Variants in RTTN observed in about 807,000 individuals in gnomAD.
The protein encoded by RTTN is rotatin.
In RTTN, 182 loss-of-function variants were observed where a neutral mutation model predicts 269.2. The observed-to-expected ratio is 0.68, with a 90% confidence interval of 0.60 to 0.76. The LOEUF (loss-of-function observed/expected upper bound fraction) is 0.76, where lower values mean the gene tolerates loss of function less well. Among genes scored for constraint, RTTN ranks in the 30% least tolerant of loss-of-function variants. RTTN has a pLI of 0.00. For synonymous variants in RTTN, 1,006 were observed against 963.5 expected (o/e 1.04, Z -0.82); for missense variants, 2,545 against 2,608.6 (o/e 0.98, Z 0.53).
At chr18:70,039,135 G>A (rs2057264033) in intron 40 of RTTN, among the ~76,000 whole-genome samples, 1 of 152,036 alleles carries the variant, frequency 6.6e-6, no homozygotes, top group African/African-American at 2.4e-5. Context: ...AGAGATAGTG[G>A]TAGAAAGTTT....
At chr18:70,057,630 T>C (rs2144871645) in intron 37 of RTTN, 112 bp downstream of exon 37, 1 of 718,220 alleles carries the variant, frequency 1.4e-6, no homozygotes, top group Non-Finnish European at 2.4e-6. Context: ...CATCATACCA[T>C]GTATATTTTG....
chr18:70,198,077 T>C lies in RTTN; in HGVS notation c.579-339A>G, dbSNP rs17082209. ...TTCAATGAGGTCAAAGAGCACACAA[T>C]TCTAGGAAATCTGCCAAATAAATTA... On this transcript the variant is annotated intron_variant, in intron 5 of 48. Coordinates refer to ENST00000640769, the MANE Select transcript of RTTN (RefSeq NM_173630.4). Among the ~76,000 whole-genome samples, 3,463 of 152,260 alleles carry C rather than the reference T, an allele frequency of 0.023. 131 individuals are homozygous for C. Among genetic ancestry groups the C allele is most frequent in the African/African-American group, 0.078 (3,257 of 41,518 alleles).
rs1035057936 is a variant in RTTN, at chr18:70,041,478, T to C, written c.5541+6493A>G. Among the ~76,000 whole-genome samples, 11 of 151,806 alleles carry C rather than the reference T, an allele frequency of 7.2e-5. No homozygotes were observed. The South Asian group carries it at 1.0e-3, about 14-fold the overall frequency. On this transcript the variant is annotated intron_variant, in intron 40 of 48. Coordinates refer to ENST00000640769, the MANE Select transcript of RTTN (RefSeq NM_173630.4). ...GGAAACTTGAATTCTAAGTGGTGAG[T>C]GGGGAAAGCTGAAAACTACCCCAAT...
chr18:70,026,896 A>G (rs2056869379), intron 43 of RTTN, among the ~76,000 whole-genome samples: 1 of 152,128 alleles, frequency 6.6e-6, no homozygotes, highest in Non-Finnish European at 1.5e-5. Flanking sequence ...GCCATTTTTC[A>G]CCTGGATGCC....
At chr18:70,169,788 A>G (rs1022784656) in intron 11 of RTTN, among the ~76,000 whole-genome samples, 1 of 152,306 alleles carries the variant, frequency 6.6e-6, no homozygotes, top group East Asian at 1.9e-4. Context: ...GATTCTAAAT[A>G]TCAATTAAAG....
chr18:70,194,569 A>C (rs2061757058), intron 7 of RTTN: 1 of 152,270 alleles, frequency 6.6e-6, no homozygotes, highest in South Asian at 2.1e-4. Context: ...TCCATCGACA[A>C]ATGCATAGAT....
At chr18:70,014,920 T>C (rs2056494838) in intron 46 of RTTN, among the ~76,000 whole-genome samples, 1 of 152,192 alleles carries the variant, frequency 6.6e-6, no homozygotes, top group Non-Finnish European at 1.5e-5. Context: ...ACTTCTTACT[T>C]GTCTGGGCAA....
intron 3 of RTTN, 31 bp downstream of exon 3, chr18:70,204,055 T>A (rs762898566): frequency 1.4e-6 from 2 of 1,463,142 alleles, no homozygotes; most frequent in South Asian, 2.5e-5. Flanking sequence ...AGAATTAATA[T>A]ATTTGTATTT....
intron 23 of RTTN, among the ~76,000 whole-genome samples, chr18:70,133,478 CAAATT>C (rs2060047839): frequency 1.3e-5 from 2 of 152,014 alleles, no homozygotes; most frequent in African/African-American, 4.8e-5. Context: ...AAACAGAAAA[CAAATT>C]AAACATCCAC....
intron 14 of RTTN, among the ~76,000 whole-genome samples, chr18:70,155,436 A>G (rs558435002): frequency 5.3e-5 from 8 of 151,998 alleles, no homozygotes; most frequent in African/African-American, 1.9e-4. Flanking sequence ...TATAAAATAA[A>G]TATGTTTAAA....
chr18:70,139,690 G>A lies in RTTN; in HGVS notation c.2697C>T (p.Cys899=). 1 of 1,612,452 alleles carries A rather than the reference G, an allele frequency of 6.2e-7. No homozygotes were observed. Among genetic ancestry groups the A allele is most frequent in the Non-Finnish European group, 8.5e-7 (1 of 1,178,776 alleles). ...ATAAAACCTTCCTCAAGAGTGTGAG[G>A]CATGGTTGTACCAAACATTCTACAA... The part of the protein sequence containing the change: ...GKVVECLVQP[C]LTLLRKVLCG... Residue 899 remains cysteine (C), a synonymous_variant, in exon 21 of 49, where the codon TGC becomes TGT. Coordinates refer to ENST00000640769, the MANE Select transcript of RTTN (RefSeq NM_173630.4).
chr18:70,190,193 C>A (rs942253974), intron 9 of RTTN, among the ~76,000 whole-genome samples: 5 of 150,438 alleles, frequency 3.3e-5, no homozygotes, highest in East Asian at 2.0e-4. Context: ...GTTGTCACTG[C>A]TCAAATTTAA....
intron 33 of RTTN, among the ~76,000 whole-genome samples, chr18:70,074,204 T>TA (rs748547705): frequency 1.6e-4 from 24 of 151,836 alleles, no homozygotes; most frequent in Non-Finnish European, 2.8e-4. Context: ...GAGAGCTTGC[T>TA]AAAGCAGCTG....
At chr18:70,112,714 A>C (rs1410038282) in intron 27 of RTTN, among the ~76,000 whole-genome samples, 1 of 152,162 alleles carries the variant, frequency 6.6e-6, no homozygotes, top group Non-Finnish European at 1.5e-5. Context: ...ACACAATAAC[A>C]GTGGGAGATT....
chr18:70,202,058 T>A, intron 3 of RTTN, 75 bp from the exon 4 acceptor site: 1 of 813,612 alleles, frequency 1.2e-6, no homozygotes, highest in Non-Finnish European at 2.0e-6. Context: ...CTTTAAGTGG[T>A]AATGTTTTCT....
At chr18:70,036,134 G>A (rs182427099) in intron 40 of RTTN, among the ~76,000 whole-genome samples, 37 of 152,226 alleles carry the variant, frequency 2.4e-4, no homozygotes, top group African/African-American at 8.7e-4. Flanking sequence ...AAGGCAGTGT[G>A]GTGATTCCTC....
chr18:70,102,966 C>CTGGCCGCCT (rs2059211975), intron 28 of RTTN, among the ~76,000 whole-genome samples: 1 of 151,610 alleles, frequency 6.6e-6, no homozygotes, highest in Non-Finnish European at 1.5e-5. Context: ...GCGCCTCTGC[C>CTGGCCGCCT]CAGCTGTCCA....
At chr18:70,133,672 C>A (rs2060052805) in intron 23 of RTTN, among the ~76,000 whole-genome samples, 1 of 151,882 alleles carries the variant, frequency 6.6e-6, no homozygotes, top group African/African-American at 2.4e-5. Context: ...AAATAATGTA[C>A]AGCAATAGAA....
At chr18:70,178,063 C>T (rs2061343698) in intron 10 of RTTN, among the ~76,000 whole-genome samples, 1 of 152,082 alleles carries the variant, frequency 6.6e-6, no homozygotes, top group Non-Finnish European at 1.5e-5. Context: ...AATGCAGAAA[C>T]AAAATGTGGT....
Sources: gnomAD v4.1 joint callset for allele counts (sites outside exome capture counted in the v4.1 genomes callset) on GRCh38, gnomAD v4.1.1 for gene constraint, MANE v1.5 for transcripts, NCBI Gene and HGNC (gene_info 2026-07-23, HGNC 2026-07-21) for gene names.